LRRC74A: variants seen among roughly 807,000 people sequenced by gnomAD.
LRRC74A encodes leucine-rich repeat-containing protein 74A.
Under a neutral mutation model 57.9 loss-of-function variants are expected in LRRC74A, and 44 were observed. The observed-to-expected ratio is 0.76, with a 90% CI of 0.60 to 0.98. The LOEUF is 0.98. Ranked by LOEUF, LRRC74A falls within the 50% of genes least tolerant of loss-of-function variation. LRRC74A has a pLI of 0.00. For synonymous variants in LRRC74A, 211 were observed against 219.4 expected, an observed-to-expected ratio of 0.96 and a Z score of 0.34; for missense variants, 572 against 574.0, an observed-to-expected ratio of 1.00 and a Z score of 0.04.
At chr14:76,866,218 C>T (rs1254758749) in intron 12 of LRRC74A, 143 bp downstream of exon 12, 1 of 663,306 alleles carries the variant, frequency 1.5e-6, no homozygotes, top group African/African-American at 1.8e-5. Flanking sequence ...GGGACACTCC[C>T]CTCATTTATC....
intron 7 of LRRC74A, among the ~76,000 whole-genome samples, chr14:76,847,932 G>T (rs1283901370): frequency 6.6e-6 from 1 of 152,112 alleles, no homozygotes; most frequent in Non-Finnish European, 1.5e-5. Context: ...CCAGCACTTT[G>T]GGAGGCTGAG....
chr14:76,839,838 C>T (rs1352636561), intron 5 of LRRC74A, among the ~76,000 whole-genome samples: 1 of 152,124 alleles, frequency 6.6e-6, no homozygotes, highest in Non-Finnish European at 1.5e-5. Flanking sequence ...TCAAGCAATT[C>T]TCCTGCCTCA....
At chr14:76,867,239 GGTGTGTGTTGGGGGGGTGGGGT>G (rs1305627691) in intron 12 of LRRC74A, 95 bp from the exon 13 acceptor site, 13 of 371,800 alleles carry the variant, frequency 3.5e-5, no homozygotes, top group Admixed American at 7.9e-5. Context: ...TGTGTGTGGG[GGTGTGTGTTGGGGGGGTGGGGT>G]GTGTGTGTTG....
chr14:76,853,760 T>G (rs1897689606), intron 9 of LRRC74A, among the ~76,000 whole-genome samples: 1 of 152,014 alleles, frequency 6.6e-6, no homozygotes, highest in South Asian at 2.1e-4. Context: ...TGTTTTGTTT[T>G]GTTTTGTTTT....
intron 5 of LRRC74A, among the ~76,000 whole-genome samples, 195 bp downstream of exon 5, chr14:76,838,166 T>C (rs1291891941): frequency 6.6e-6 from 1 of 152,138 alleles, no homozygotes; most frequent in East Asian, 1.9e-4. Flanking sequence ...ATATCTGACA[T>C]TACAGATGAT....
intron 4 of LRRC74A, among the ~76,000 whole-genome samples, chr14:76,837,360 G>C (rs901262509): frequency 1.3e-5 from 2 of 152,016 alleles, no homozygotes; most frequent in Non-Finnish European, 2.9e-5. Context: ...ATCATAAAAA[G>C]AAATTCAAAG....
chr14:76,853,095 A>G (rs2140296122), intron 8 of LRRC74A, 121 bp from the exon 9 acceptor site: 1 of 831,422 alleles, frequency 1.2e-6, no homozygotes, highest in Non-Finnish European at 1.9e-6. Flanking sequence ...CAGACCCATC[A>G]GTCCTGGGGA....
chr14:76,859,117 C>T (rs1314798080), intron 10 of LRRC74A, among the ~76,000 whole-genome samples: 1 of 152,174 alleles, frequency 6.6e-6, no homozygotes, highest in Non-Finnish European at 1.5e-5. Flanking sequence ...GGCCAGGATG[C>T]TGCCTTCACC....
chr14:76,839,604 A>G (rs1339469086), intron 5 of LRRC74A, among the ~76,000 whole-genome samples: 1 of 152,226 alleles, frequency 6.6e-6, no homozygotes, highest in Non-Finnish European at 1.5e-5. Context: ...TTACTGTTAC[A>G]CATTCTATTA....
At chr14:76,864,509 G>A (rs1009493405) in intron 11 of LRRC74A, among the ~76,000 whole-genome samples, 11 of 151,956 alleles carry the variant, frequency 7.2e-5, no homozygotes, top group African/African-American at 2.2e-4. Context: ...TCGTAAGGCC[G>A]GGTGCGGGGA....
intron 5 of LRRC74A, among the ~76,000 whole-genome samples, chr14:76,841,078 G>C (rs1896736206): frequency 6.6e-6 from 1 of 152,150 alleles, no homozygotes; most frequent in Non-Finnish European, 1.5e-5. Flanking sequence ...GTCTCCCTCT[G>C]TCGCCCAGGC....
At chr14:76,868,050 A>T (rs1044908945) in intron 13 of LRRC74A, among the ~76,000 whole-genome samples, 2 of 152,190 alleles carry the variant, frequency 1.3e-5, no homozygotes, top group African/African-American at 4.8e-5. Flanking sequence ...TCCCCGCCAC[A>T]TGCCTGTCCT....
intron 4 of LRRC74A, among the ~76,000 whole-genome samples, chr14:76,836,526 G>A (rs1241394411): frequency 1.3e-5 from 2 of 152,312 alleles, no homozygotes; most frequent in East Asian, 1.9e-4. Context: ...ATGGCTGGGC[G>A]CGGTGGCTCA....
chr14:76,829,396 C>T (rs1895815755), intron 2 of LRRC74A, among the ~76,000 whole-genome samples: 1 of 152,228 alleles, frequency 6.6e-6, no homozygotes, highest in Non-Finnish European at 1.5e-5. Flanking sequence ...CCGCTGACCC[C>T]CAGGCAGCTT....
At chr14:76,829,521 G>C (rs1417154878) in intron 2 of LRRC74A, among the ~76,000 whole-genome samples, 1 of 152,176 alleles carries the variant, frequency 6.6e-6, no homozygotes, top group Middle Eastern at 3.2e-3. Context: ...TGGATGTTTG[G>C]CCAAAGGGTC....
intron 9 of LRRC74A, among the ~76,000 whole-genome samples, chr14:76,854,079 C>G (rs1897712327): frequency 6.6e-6 from 1 of 152,112 alleles, no homozygotes; most frequent in South Asian, 2.1e-4. Context: ...CCGGTGCTCT[C>G]CCTTGCTCTG....
intron 2 of LRRC74A, 178 bp downstream of exon 2, chr14:76,828,597 G>C (rs113978608): frequency 1.1e-6 from 1 of 902,612 alleles, no homozygotes; most frequent in Non-Finnish European, 1.8e-6. Context: ...GGGCTGGCAG[G>C]GGAGAGCAGC....
chr14:76,827,043 C>T (rs978802052), intron 1 of LRRC74A, among the ~76,000 whole-genome samples: 7 of 152,218 alleles, frequency 4.6e-5, no homozygotes, highest in African/African-American at 1.7e-4. Context: ...TTGGCTAACA[C>T]TATAAATCAG....
chr14:76,845,460 A>T lies in LRRC74A; in HGVS notation c.676+559A>T, dbSNP rs543045966. Among the ~76,000 whole-genome samples the T allele has an allele frequency of 2.0e-5, 3 of 152,100 alleles. No individual in the cohort carries two copies. The South Asian group carries it at 6.2e-4, about 32-fold the overall frequency. ...TAGAAGAACACAGAAACAACTAACAACTCAGGAAGGCTAAGGACTCTTAAG... is the reference window on the plus strand; with the variant it reads ...TAGAAGAACACAGAAACAACTAACATCTCAGGAAGGCTAAGGACTCTTAAG... On this transcript the variant is annotated intron_variant, in intron 7 of 13. Transcript: ENST00000689127.
Sources: allele counts gnomAD v4.1 joint callset (sites outside exome capture counted in the v4.1 genomes callset), GRCh38; gene constraint gnomAD v4.1.1; transcripts MANE v1.5; gene names NCBI Gene and HGNC (gene_info 2026-07-23, HGNC 2026-07-21).